The following TRIM9 variants were observed in gnomAD, a reference collection of about 807,000 sequenced individuals.
TRIM9 encodes the protein E3 ubiquitin-protein ligase TRIM9.
In TRIM9, 26 loss-of-function variants were observed where a neutral mutation model predicts 78.3. That is an observed-to-expected ratio of 0.33 (90% CI 0.24 to 0.46). The LOEUF (loss-of-function observed/expected upper bound fraction) is 0.46. Ranked by LOEUF, TRIM9 falls within the 20% of genes least tolerant of loss-of-function variation. The pLI is 1.00. For synonymous variants in TRIM9, 398 were observed against 416.5 expected (o/e 0.96, Z 0.54); for missense variants, 787 against 1,036.4 (o/e 0.76, Z 3.30).
At chr14:51,046,153 CA>C (rs1446875921) in intron 1 of TRIM9, among the ~76,000 whole-genome samples, 3 of 127,476 alleles carry the variant, frequency 2.4e-5, no homozygotes, top group Non-Finnish European at 4.9e-5. Context: ...GGGATGGGGA[CA>C]GGGGTGATGG....
intron 3 of TRIM9, among the ~76,000 whole-genome samples, chr14:51,015,804 C>T (rs1434825521): frequency 1.3e-5 from 2 of 152,164 alleles, no homozygotes; most frequent in Non-Finnish European, 2.9e-5. Flanking sequence ...CCACACCTGG[C>T]CAGTGCTTTT....
chr14:51,085,523 G>C (rs1204832477), intron 1 of TRIM9, among the ~76,000 whole-genome samples: 2 of 152,164 alleles, frequency 1.3e-5, no homozygotes, highest in African/African-American at 4.8e-5. Flanking sequence ...GTGAAAGGTG[G>C]ATCAGCTTTC....
intron 1 of TRIM9, among the ~76,000 whole-genome samples, chr14:51,058,679 C>A (rs1223469336): frequency 6.6e-6 from 1 of 152,186 alleles, no homozygotes; most frequent in Non-Finnish European, 1.5e-5. Context: ...ATGGCTTCAA[C>A]AGAACAGATA....
At chr14:51,065,973 A>T (rs2061693913) in intron 1 of TRIM9, among the ~76,000 whole-genome samples, 1 of 151,776 alleles carries the variant, frequency 6.6e-6, no homozygotes, top group Non-Finnish European at 1.5e-5. Flanking sequence ...AGCATCAAAT[A>T]CAGGGCCTGT....
intron 7 of TRIM9, chr14:50,997,795 T>G (rs2054418035): frequency 1.5e-6 from 2 of 1,368,600 alleles, no homozygotes; most frequent in East Asian, 5.2e-5. Context: ...CAACTGCAGC[T>G]TATTTAGATT....
At chr14:51,037,231 A>T (rs2059228211) in intron 1 of TRIM9, among the ~76,000 whole-genome samples, 1 of 152,202 alleles carries the variant, frequency 6.6e-6, no homozygotes, top group Non-Finnish European at 1.5e-5. Context: ...AAATGTATAA[A>T]TTATCTAGAT....
chr14:51,084,073 T>C (rs74496283), intron 1 of TRIM9, among the ~76,000 whole-genome samples: 2 of 152,352 alleles, frequency 1.3e-5, no homozygotes, highest in East Asian at 3.9e-4. Flanking sequence ...TAAAAATATA[T>C]GGGAAATATT....
At chr14:50,998,449 T>C (rs1218991949) in intron 6 of TRIM9, among the ~76,000 whole-genome samples, 1 of 152,226 alleles carries the variant, frequency 6.6e-6, no homozygotes, top group African/African-American at 2.4e-5. Context: ...ATGCCTTGTA[T>C]TTAGCATGGG....
At chr14:51,087,017 GT>G (rs1176974200) in intron 1 of TRIM9, among the ~76,000 whole-genome samples, 3 of 152,120 alleles carry the variant, frequency 2.0e-5, no homozygotes, top group Non-Finnish European at 2.9e-5. Context: ...CACAGCTGGG[GT>G]GGGGGGAGGT....
intron 7 of TRIM9, among the ~76,000 whole-genome samples, chr14:50,995,509 TC>T (rs2054091064): frequency 6.6e-6 from 1 of 152,168 alleles, no homozygotes; most frequent in South Asian, 2.1e-4. Context: ...ACATTTGATC[TC>T]CCCTGCATAA....
chr14:51,048,201 T>G (rs1332113803), intron 1 of TRIM9, among the ~76,000 whole-genome samples: 1 of 152,208 alleles, frequency 6.6e-6, no homozygotes, highest in Non-Finnish European at 1.5e-5. Flanking sequence ...TCCTAAAAGC[T>G]TTGGGAAAAT....
chr14:51,086,940 T>C (rs1198787107), intron 1 of TRIM9, among the ~76,000 whole-genome samples: 2 of 152,046 alleles, frequency 1.3e-5, no homozygotes, highest in Non-Finnish European at 1.5e-5. Flanking sequence ...CAGCTTAAAA[T>C]GAATCAGCCA....
intron 1 of TRIM9, among the ~76,000 whole-genome samples, chr14:51,065,587 G>A (rs1051500083): frequency 1.3e-5 from 2 of 152,184 alleles, no homozygotes; most frequent in African/African-American, 2.4e-5. Flanking sequence ...GCCCTCCTTT[G>A]ACAAGTGTAG....
At chr14:51,048,146 C>A (rs934655557) in intron 1 of TRIM9, among the ~76,000 whole-genome samples, 6 of 152,300 alleles carry the variant, frequency 3.9e-5, no homozygotes, top group Admixed American at 6.5e-5. Flanking sequence ...CCAAGTTAAA[C>A]CCCCAACTAT....
intron 1 of TRIM9, among the ~76,000 whole-genome samples, chr14:51,083,760 C>T (rs115020569): frequency 1.3e-5 from 2 of 152,126 alleles, no homozygotes; most frequent in African/African-American, 4.8e-5. Context: ...GGGTTCAATG[C>T]AAAATGTTTG....
intron 12 of TRIM9, among the ~76,000 whole-genome samples, chr14:50,978,576 C>A (rs2051371821): frequency 6.6e-6 from 1 of 152,184 alleles, no homozygotes; most frequent in Admixed American, 6.5e-5. Flanking sequence ...TGCGATAAGC[C>A]CTACCTACGC....
chr14:51,000,942 C>A (rs2054903496), intron 5 of TRIM9, 102 bp from the exon 6 acceptor site: 1 of 1,393,516 alleles, frequency 7.2e-7, no homozygotes, highest in South Asian at 1.3e-5. Context: ...TTAGAAGTAG[C>A]CAGAATGGGG....
chr14:51,024,801 GA>G (rs1290750212), intron 2 of TRIM9, among the ~76,000 whole-genome samples: 2 of 151,866 alleles, frequency 1.3e-5, no homozygotes, highest in Non-Finnish European at 2.9e-5. Flanking sequence ...AAAAGAGGAA[GA>G]AGGAACAAGG....
intron 1 of TRIM9, among the ~76,000 whole-genome samples, chr14:51,071,657 T>A (rs1036457180): frequency 1.6e-4 from 24 of 151,552 alleles, no homozygotes; most frequent in Non-Finnish European, 2.1e-4. Flanking sequence ...AAAAAAAAAA[T>A]TAACCAGGCG....
Sources: gnomAD v4.1 joint callset for allele counts (sites outside exome capture counted in the v4.1 genomes callset) on GRCh38, gnomAD v4.1.1 for gene constraint, MANE v1.5 for transcripts, NCBI Gene and HGNC (gene_info 2026-07-23, HGNC 2026-07-21) for gene names.